Variants in GALK2 observed in about 807,000 individuals in gnomAD.
GALK2 encodes galactokinase 2.
In GALK2, 36 loss-of-function variants were observed where a neutral mutation model predicts 52.4. The observed-to-expected ratio is 0.69, with a 90% confidence interval of 0.53 to 0.91. The LOEUF is 0.91. GALK2 is among the 40% of genes least tolerant of loss of function. The pLI is 0.00. For missense variants in GALK2, 579 were observed against 559.1 expected (o/e 1.04, Z -0.36); for synonymous variants, 176 against 199.1 (o/e 0.88, Z 0.98).
At chr15:49,167,782 A>G (rs1425652528), upstream of GALK2, among the ~76,000 whole-genome samples, 1 of 152,274 alleles carries the variant, frequency 6.6e-6, no homozygotes, top group Non-Finnish European at 1.5e-5. Flanking sequence ...TTAAAGAGAC[A>G]ATAATATACG....
chr15:49,267,470 CGTT>C (rs917479660), intron 5 of GALK2, among the ~76,000 whole-genome samples: 1 of 152,146 alleles, frequency 6.6e-6, no homozygotes. Context: ...AGCAAAGAAT[CGTT>C]GTCAAGGTCT....
intron 3 of GALK2, among the ~76,000 whole-genome samples, chr15:49,352,267 C>T (rs369879036): frequency 1.3e-5 from 2 of 152,286 alleles, no homozygotes; most frequent in East Asian, 3.9e-4. Context: ...AAGTCAAACT[C>T]TAATGGTTGA....
At chr15:49,162,917 G>A (rs2084701092) in intron 1 of GALK2, among the ~76,000 whole-genome samples, 1 of 152,182 alleles carries the variant, frequency 6.6e-6, no homozygotes, top group Non-Finnish European at 1.5e-5. Flanking sequence ...GGAAAATTGT[G>A]AGATAATAAA....
chr15:49,299,706 A>ATTGCTTGCTTGC (rs1483737220), intron 8 of GALK2, among the ~76,000 whole-genome samples: 8 of 85,382 alleles, frequency 9.4e-5, no homozygotes, highest in African/African-American at 3.4e-4. Context: ...TCTTCTTGGT[A>ATTGCTTGCTTGC]TTGCTTTCTT....
At chr15:49,158,779 T>C (rs1278252989) in intron 1 of GALK2, 1 of 152,222 alleles carries the variant, frequency 6.6e-6, no homozygotes, top group Non-Finnish European at 1.5e-5. Flanking sequence ...TAGTTAAGCA[T>C]ATAGATTTGG....
At chr15:49,202,094 C>G (rs931970581) in intron 2 of GALK2, among the ~76,000 whole-genome samples, 5 of 152,168 alleles carry the variant, frequency 3.3e-5, no homozygotes, top group Non-Finnish European at 7.3e-5. Context: ...ACCTCTGCCT[C>G]CCGGGTTCAA....
intron 3 of GALK2, chr15:49,367,325 T>C: frequency 1.2e-6 from 1 of 868,594 alleles, no homozygotes; most frequent in East Asian, 2.9e-5. Context: ...TAAATATTAA[T>C]ACTAAACAGA....
intron 2 of GALK2, among the ~76,000 whole-genome samples, chr15:49,214,496 A>ATTTTT (rs35538212): frequency 2.3e-5 from 3 of 129,964 alleles, no homozygotes; most frequent in Non-Finnish European, 1.6e-5. Context: ...ACACCCGGCT[A>ATTTTT]TTTTTTTTTT....
chr15:49,221,686 T>TA (rs958070219), intron 3 of GALK2, among the ~76,000 whole-genome samples: 151 of 148,310 alleles, frequency 1.0e-3, no homozygotes, highest in East Asian at 9.4e-3. Context: ...ATAAAAAAAT[T>TA]AAAAAAAAAA....
chr15:49,160,829 G>C (rs887791162), intron 1 of GALK2, among the ~76,000 whole-genome samples: 6 of 151,744 alleles, frequency 4.0e-5, no homozygotes, highest in African/African-American at 1.5e-4. Flanking sequence ...AGCTGAGATC[G>C]TGCCACTGCA....
intron 3 of GALK2, among the ~76,000 whole-genome samples, chr15:49,232,896 C>T (rs772482105): frequency 1.2e-4 from 18 of 152,174 alleles, no homozygotes; most frequent in Non-Finnish European, 2.5e-4. Flanking sequence ...ATTTTCAAAG[C>T]AACCGTTCAA....
chr15:49,336,549 CCTTT>C (rs1359041096), downstream of GALK2, among the ~76,000 whole-genome samples: 1 of 152,182 alleles, frequency 6.6e-6, no homozygotes, highest in Non-Finnish European at 1.5e-5. Context: ...TTCAGTATTA[CCTTT>C]CTCTGAATAT....
At chr15:49,173,996 G>C (rs182330227) in intron 1 of GALK2, among the ~76,000 whole-genome samples, 1 of 152,086 alleles carries the variant, frequency 6.6e-6, no homozygotes, top group African/African-American at 2.4e-5. Flanking sequence ...ACCCGCCTTG[G>C]TCTCCCTGGG....
At position 49,206,067 on chromosome 15, in the gene GALK2, C is replaced by T. The variant is rs371076061; in HGVS notation, c.142+4817C>T. Among the ~76,000 whole-genome samples the T allele has an allele frequency of 2.6e-5, 4 of 152,048 alleles. No individual in the cohort carries two copies. In the East Asian group the frequency reaches 5.8e-4, roughly 22 times the overall value. The stretch of plus-strand genomic sequence containing the variant: ...AAGTATTTGGGTTTATTTGTGCGTT[C>T]TCTATTTTGTTCCATTGGTCTACGT... On this transcript the variant is annotated intron_variant, in intron 2 of 9. Transcript: ENST00000560031.
intron 1 of GALK2, among the ~76,000 whole-genome samples, chr15:49,186,192 G>A (rs1313082218): frequency 1.3e-5 from 2 of 151,974 alleles, no homozygotes; most frequent in African/African-American, 2.4e-5. Flanking sequence ...TTGAATAAAC[G>A]TCCTATCCCA....
intron 3 of GALK2, among the ~76,000 whole-genome samples, chr15:49,347,379 G>A (rs182818378): frequency 4.6e-5 from 7 of 152,232 alleles, no homozygotes; most frequent in Non-Finnish European, 8.8e-5. Flanking sequence ...TGCTTTTAGT[G>A]CAGGGTTGTT....
chr15:49,249,038 C>T (rs943984206), intron 5 of GALK2, among the ~76,000 whole-genome samples: 1 of 146,432 alleles, frequency 6.8e-6, no homozygotes, highest in Non-Finnish European at 1.5e-5. Flanking sequence ...TTGCACCCTA[C>T]AATAAGTTAA....
chr15:49,367,542 A>G (rs753372861), exon 4 of GALK2: 1 of 1,606,962 alleles, frequency 6.2e-7, no homozygotes, highest in South Asian at 1.1e-5. Context: ...TATAAAATCA[A>G]TGGACTCTGA....
chr15:49,243,701 T>C (rs1389994714), intron 5 of GALK2, among the ~76,000 whole-genome samples: 1 of 152,132 alleles, frequency 6.6e-6, no homozygotes, highest in Non-Finnish European at 1.5e-5. Flanking sequence ...AAAGACATGA[T>C]GTCCTCAGAG....
Sources: allele counts gnomAD v4.1 joint callset (sites outside exome capture counted in the v4.1 genomes callset), GRCh38; gene constraint gnomAD v4.1.1; transcripts MANE v1.5; gene names NCBI Gene and HGNC (gene_info 2026-07-23, HGNC 2026-07-21).